Variants in BNC2 observed in about 807,000 individuals in gnomAD.
BNC2 encodes basonuclin zinc finger protein 2.
Under a neutral mutation model 76.3 loss-of-function variants are expected in BNC2, and 20 were observed. That is an observed-to-expected ratio of 0.26 (90% CI 0.18 to 0.38). The LOEUF is 0.38. Among genes scored for constraint, BNC2 ranks in the 10% least tolerant of loss-of-function variants. The pLI, the probability that BNC2 is intolerant of heterozygous loss-of-function variation, is 1.00. For synonymous variants in BNC2, 582 were observed against 514.8 expected (o/e 1.13, Z -1.77); for missense variants, 1,382 against 1,399.8 (o/e 0.99, Z 0.20).
At chr9:16,857,150 G>C (rs1219517079) in intron 1 of BNC2, among the ~76,000 whole-genome samples, 2 of 152,046 alleles carry the variant, frequency 1.3e-5, no homozygotes, top group Non-Finnish European at 2.9e-5. Flanking sequence ...ATTTACGTCT[G>C]GTAAACATAA....
chr9:16,754,393 A>T (rs1426069208), intron 1 of BNC2, among the ~76,000 whole-genome samples: 3 of 152,126 alleles, frequency 2.0e-5, no homozygotes, highest in Admixed American at 6.5e-5. Flanking sequence ...AGTTGCCCCA[A>T]CCCAACAAAC....
intron 6 of BNC2, chr9:16,431,400 C>CA (rs571008057): frequency 2.2e-6 from 1 of 452,842 alleles, no homozygotes; most frequent in South Asian, 1.6e-5. Flanking sequence ...AAATTACACC[C>CA]ACCAGCTAAT....
chr9:16,661,311 T>A (rs1040510115), intron 3 of BNC2, among the ~76,000 whole-genome samples: 1 of 152,196 alleles, frequency 6.6e-6, no homozygotes, highest in African/African-American at 2.4e-5. Context: ...CTTACTTGGA[T>A]AAACCACATA....
At chr9:16,865,819 A>G (rs1036033692) in intron 1 of BNC2, among the ~76,000 whole-genome samples, 2 of 152,200 alleles carry the variant, frequency 1.3e-5, no homozygotes, top group African/African-American at 4.8e-5. Flanking sequence ...GTTCTTACGC[A>G]TTGAGTTAGA....
At chr9:16,701,356 G>T (rs1017008456) in intron 3 of BNC2, among the ~76,000 whole-genome samples, 3 of 152,190 alleles carry the variant, frequency 2.0e-5, no homozygotes, top group African/African-American at 7.2e-5. Context: ...AACTTTGCTG[G>T]ATTACACATG....
chr9:16,622,873 T>TA lies in BNC2; in HGVS notation c.331-39789dup, dbSNP rs374598689. Among the ~76,000 whole-genome samples, 1,171 of 152,166 alleles carry TA rather than the reference T, an allele frequency of 7.7e-3. 14 individuals are homozygous for TA. The highest frequency in any genetic ancestry group is 0.026 in the African/African-American group (1,074 of 41,530). On this transcript the variant is annotated intron_variant, in intron 3 of 6. Transcript: ENST00000380672. ...ACAATTTAAGTGCTTAATTATATAC[T>TA]AAAAAAACCTTATTATTTTTATTTC...
At chr9:16,795,279 A>C (rs1184638463) in intron 1 of BNC2, among the ~76,000 whole-genome samples, 1 of 152,168 alleles carries the variant, frequency 6.6e-6, no homozygotes, top group African/African-American at 2.4e-5. Context: ...GGCGAACTCC[A>C]CATGTGACCG....
intron 3 of BNC2, among the ~76,000 whole-genome samples, chr9:16,717,777 T>C (rs1400725641): frequency 6.6e-6 from 1 of 152,186 alleles, no homozygotes; most frequent in Non-Finnish European, 1.5e-5. Flanking sequence ...AAAGTAGGCT[T>C]ATATTGAAGC....
At chr9:16,780,521 G>A (rs1187634891) in intron 1 of BNC2, among the ~76,000 whole-genome samples, 7 of 151,090 alleles carry the variant, frequency 4.6e-5, no homozygotes, top group Admixed American at 1.3e-4. Context: ...GCAGTGAGCC[G>A]AGATCACACC....
chr9:16,673,691 T>TCATCAGTGTACCAAATAAGTTTG (rs1822553682), intron 3 of BNC2, among the ~76,000 whole-genome samples: 1 of 152,228 alleles, frequency 6.6e-6, no homozygotes, highest in Admixed American at 6.5e-5. Context: ...AATGATCATT[T>TCATCAGTGTACCAAATAAGTTTG]CATCAGTGTA....
intron 3 of BNC2, among the ~76,000 whole-genome samples, chr9:16,590,867 C>T (rs1386407844): frequency 1.3e-5 from 2 of 152,122 alleles, no homozygotes; most frequent in Non-Finnish European, 2.9e-5. Context: ...AGCAAATTAT[C>T]TGTAATGAAT....
intron 1 of BNC2, among the ~76,000 whole-genome samples, chr9:16,770,476 A>G (rs942044374): frequency 3.9e-5 from 6 of 152,186 alleles, no homozygotes; most frequent in African/African-American, 9.7e-5. Flanking sequence ...CAGGCTTCTG[A>G]AGCCAGAAAG....
intron 3 of BNC2, among the ~76,000 whole-genome samples, chr9:16,611,707 C>T (rs1036573619): frequency 1.3e-5 from 2 of 152,118 alleles, no homozygotes; most frequent in African/African-American, 4.8e-5. Flanking sequence ...ACTTGTAAGA[C>T]CAGCTTGTAA....
intron 5 of BNC2, among the ~76,000 whole-genome samples, chr9:16,546,598 G>A (rs899640944): frequency 3.3e-5 from 5 of 152,140 alleles, no homozygotes; most frequent in African/African-American, 9.7e-5. Flanking sequence ...AAATGAGAGC[G>A]AATAGAAGTA....
intron 3 of BNC2, among the ~76,000 whole-genome samples, chr9:16,708,218 G>A (rs149438409): frequency 8.5e-5 from 13 of 152,250 alleles, no homozygotes; most frequent in East Asian, 5.8e-4. Flanking sequence ...ATAACCAGCC[G>A]TGATTTCCAT....
chr9:16,826,099 C>T (rs1329968474), intron 1 of BNC2, among the ~76,000 whole-genome samples: 1 of 152,136 alleles, frequency 6.6e-6, no homozygotes, highest in Non-Finnish European at 1.5e-5. Flanking sequence ...CACTCAAAGC[C>T]ATAATCCCCT....
At chr9:16,826,630 G>A (rs1818459266) in intron 1 of BNC2, among the ~76,000 whole-genome samples, 1 of 152,100 alleles carries the variant, frequency 6.6e-6, no homozygotes, top group Admixed American at 6.5e-5. Context: ...GCAGAAAAAT[G>A]ACTGAAATAT....
intron 1 of BNC2, among the ~76,000 whole-genome samples, chr9:16,741,685 C>T (rs1355168465): frequency 2.6e-5 from 4 of 151,956 alleles, no homozygotes; most frequent in Admixed American, 2.0e-4. Context: ...ATGACAGGTG[C>T]GGTGGCTCAC....
intron 4 of BNC2, among the ~76,000 whole-genome samples, chr9:16,558,475 T>C (rs1818906300): frequency 6.6e-6 from 1 of 152,220 alleles, no homozygotes; most frequent in Admixed American, 6.5e-5. Flanking sequence ...TGGAATCTTC[T>C]GTTACATGAG....
Sources: allele counts gnomAD v4.1 joint callset (sites outside exome capture counted in the v4.1 genomes callset), GRCh38; gene constraint gnomAD v4.1.1; transcripts MANE v1.5; gene names NCBI Gene and HGNC (gene_info 2026-07-23, HGNC 2026-07-21).